KANSL1L: variants seen among roughly 807,000 people sequenced by gnomAD.
The protein encoded by KANSL1L is KAT8 regulatory NSL complex subunit 1 like, also known as KAT8 regulatory NSL complex subunit 1-like protein.
Under a neutral mutation model 108.6 loss-of-function variants are expected in KANSL1L, and 25 were observed. The observed-to-expected ratio is 0.23, with a 90% confidence interval of 0.17 to 0.32. KANSL1L has a LOEUF of 0.32. KANSL1L is among the 10% of genes least tolerant of loss of function. The pLI is 1.00. For synonymous variants in KANSL1L, 405 were observed against 395.1 expected (o/e 1.03, Z -0.30); for missense variants, 1,137 against 1,125.7 (o/e 1.01, Z -0.14).
chr2:210,072,980 T>C (rs1157274428), intron 6 of KANSL1L, among the ~76,000 whole-genome samples: 1 of 152,204 alleles, frequency 6.6e-6, no homozygotes, highest in Non-Finnish European at 1.5e-5. Flanking sequence ...GGAAAAGTTT[T>C]CCTTTTCACC....
chr2:210,127,174 T>C (rs1164153694), intron 3 of KANSL1L, among the ~76,000 whole-genome samples: 3 of 152,204 alleles, frequency 2.0e-5, no homozygotes, highest in East Asian at 1.9e-4. Flanking sequence ...AAATGTTTTT[T>C]GACAAACTTT....
chr2:210,164,947 C>T (rs1687846583), intron 1 of KANSL1L, among the ~76,000 whole-genome samples: 1 of 149,894 alleles, frequency 6.7e-6, no homozygotes, highest in African/African-American at 2.5e-5. Context: ...CTCACTGCAA[C>T]TTCCGCTTCC....
chr2:210,098,138 G>C lies in KANSL1L; in HGVS notation c.1498C>G (p.Leu500Val), dbSNP rs760336519. The change falls in exon 5 of 15, where the codon CTC becomes GTC. Residue 500 changes from leucine to valine, a missense_variant. Transcript: ENST00000281772. ...PLNLSPTSSP[L>V]SSKSCSHKCL... is the part of the protein sequence containing the mutation. ...TTATGGCTACAGGATTTGGAAGAGA[G>C]GGGTGATGAAGTTGGGGACAAGTTG... 4 of 1,612,040 alleles carry C rather than the reference G, an allele frequency of 2.5e-6. No individual in the cohort carries two copies. The highest frequency in any genetic ancestry group is 2.5e-6 in the Non-Finnish European group (3 of 1,178,896).
chr2:210,058,495 C>T (rs1229510007), intron 6 of KANSL1L, among the ~76,000 whole-genome samples: 2 of 151,990 alleles, frequency 1.3e-5, no homozygotes, highest in African/African-American at 4.8e-5. Context: ...TGACCCACAC[C>T]CTATTCGTAC....
At chr2:210,053,691 G>T (rs1240279365) in intron 6 of KANSL1L, among the ~76,000 whole-genome samples, 1 of 151,362 alleles carries the variant, frequency 6.6e-6, no homozygotes, top group African/African-American at 2.4e-5. Context: ...ATAATGAAAA[G>T]GTTGATAAAT....
intron 11 of KANSL1L, among the ~76,000 whole-genome samples, chr2:210,027,819 G>T (rs2093958033): frequency 6.6e-6 from 1 of 152,162 alleles, no homozygotes; most frequent in African/African-American, 2.4e-5. Flanking sequence ...ACCATTGCAA[G>T]TTGAAATATA....
chr2:210,095,462 A>G (rs544895824), intron 5 of KANSL1L, among the ~76,000 whole-genome samples: 213 of 152,248 alleles, frequency 1.4e-3, no homozygotes, highest in Admixed American at 4.1e-3. Context: ...TCTCTTTGGC[A>G]TACGAAACAA....
intron 4 of KANSL1L, 84 bp from the exon 5 acceptor site, chr2:210,098,291 A>C: frequency 8.0e-7 from 1 of 1,245,580 alleles, no homozygotes; most frequent in South Asian, 1.4e-5. Flanking sequence ...ATTAATCCTT[A>C]ACTTCTCATG....
At chr2:210,061,394 T>C (rs937363767) in intron 6 of KANSL1L, among the ~76,000 whole-genome samples, 1 of 152,154 alleles carries the variant, frequency 6.6e-6, no homozygotes, top group Non-Finnish European at 1.5e-5. Flanking sequence ...ACATCAATAG[T>C]ATAGGGCCTA....
chr2:210,052,710 A>G (rs369440675), intron 6 of KANSL1L, among the ~76,000 whole-genome samples: 1 of 152,208 alleles, frequency 6.6e-6, no homozygotes, highest in African/African-American at 2.4e-5. Flanking sequence ...TATAAGTTCT[A>G]TGAAGGTAGG....
At chr2:210,110,866 G>A (rs1178814951) in intron 3 of KANSL1L, among the ~76,000 whole-genome samples, 2 of 152,104 alleles carry the variant, frequency 1.3e-5, no homozygotes, top group Non-Finnish European at 2.9e-5. Flanking sequence ...AAGAGGCTGA[G>A]GCTAAGAAGC....
At chr2:210,163,355 T>A (rs1181720389) in intron 1 of KANSL1L, among the ~76,000 whole-genome samples, 1 of 152,086 alleles carries the variant, frequency 6.6e-6, no homozygotes, top group Admixed American at 6.6e-5. Flanking sequence ...TCAAAAACAC[T>A]GCAACAAAAA....
Position 210,079,612 on chromosome 2 carries a change from GTATATATATA to G in KANSL1L, c.1551-3866_1551-3857del, listed in dbSNP as rs60144283. The stretch of plus-strand genomic sequence containing the variant: ...TCTCAAAAAAAAAAAATATGTATGT[GTATATATATA>G]TATATATATATATATATATATATAT... On this transcript the variant is annotated intron_variant, in intron 5 of 14. Coordinates refer to ENST00000281772, the MANE Select transcript of KANSL1L (RefSeq NM_152519.4). 5.9e-3 allele frequency among the ~76,000 whole-genome samples: 385 copies of G among 65,222 alleles called. 8 individuals are homozygous for G. The highest frequency in any genetic ancestry group is 0.019 in the African/African-American group (202 of 10,584). 42.8% of individuals were successfully genotyped at this position (65,222 alleles called of 152,430 possible).
At chr2:210,083,789 A>G (rs1392769980) in intron 5 of KANSL1L, among the ~76,000 whole-genome samples, 1 of 147,168 alleles carries the variant, frequency 6.8e-6, no homozygotes, top group African/African-American at 2.6e-5. Flanking sequence ...AGATCATGCC[A>G]CTGCACTCCA....
chr2:210,099,507 G>T (rs1179854066), intron 4 of KANSL1L, among the ~76,000 whole-genome samples: 1 of 152,086 alleles, frequency 6.6e-6, no homozygotes, highest in Non-Finnish European at 1.5e-5. Context: ...TGCACCTAAT[G>T]ATGTCATTTT....
intron 5 of KANSL1L, among the ~76,000 whole-genome samples, chr2:210,078,632 T>A (rs917460925): frequency 6.6e-6 from 1 of 152,238 alleles, no homozygotes; most frequent in Admixed American, 6.5e-5. Flanking sequence ...TTATTGTAAA[T>A]GGTTATTGTA....
At chr2:210,155,397 G>C (rs2095327434) in intron 1 of KANSL1L, 1 of 152,194 alleles carries the variant, frequency 6.6e-6, no homozygotes, top group African/African-American at 2.4e-5. Context: ...GCATGACAGA[G>C]TAAGACTCTG....
chr2:210,161,218 C>T (rs112564191), intron 1 of KANSL1L, among the ~76,000 whole-genome samples: 3,086 of 152,054 alleles, frequency 0.02, 91 homozygotes, highest in African/African-American at 0.069. Context: ...AAACTCCTGA[C>T]CTCAGGTGAT....
intron 6 of KANSL1L, among the ~76,000 whole-genome samples, chr2:210,055,674 C>G (rs1413548903): frequency 6.6e-6 from 1 of 152,152 alleles, no homozygotes; most frequent in Admixed American, 6.6e-5. Flanking sequence ...AAAGGTGATT[C>G]TTGCCCTGTG....
Sources: gnomAD v4.1 joint callset for allele counts (sites outside exome capture counted in the v4.1 genomes callset) on GRCh38, gnomAD v4.1.1 for gene constraint, MANE v1.5 for transcripts, NCBI Gene and HGNC (gene_info 2026-07-23, HGNC 2026-07-21) for gene names.